Variants in PDE4DIP observed in about 807,000 individuals in gnomAD.
PDE4DIP encodes the protein myomegalin.
Under a neutral mutation model 221.4 loss-of-function variants are expected in PDE4DIP, and 59 were observed. That is an observed-to-expected ratio of 0.27 (90% CI 0.22 to 0.33). The LOEUF (loss-of-function observed/expected upper bound fraction) is 0.33. Ranked by LOEUF, PDE4DIP falls within the 10% of genes least tolerant of loss-of-function variation. The pLI is 1.00. For missense variants in PDE4DIP, 1,036 were observed against 2,154.2 expected (o/e 0.48, Z 10.28); for synonymous variants, 404 against 815.9 (o/e 0.50, Z 8.60).
At chr1:148,951,727 C>T (rs1181603447) in intron 5 of PDE4DIP, among the ~76,000 whole-genome samples, 2 of 152,310 alleles carry the variant, frequency 1.3e-5, no homozygotes, top group East Asian at 1.9e-4. Context: ...TTGTATGTGC[C>T]GGACTCTTTC....
intron 16 of PDE4DIP, among the ~76,000 whole-genome samples, chr1:148,972,869 TC>T (rs1553532088): frequency 7.1e-6 from 1 of 140,820 alleles, no homozygotes; most frequent in Non-Finnish European, 1.5e-5. Context: ...AGGTAATTGT[TC>T]CAATCCTGCA....
At chr1:148,936,910 G>A (rs1553475282) in intron 4 of PDE4DIP, among the ~76,000 whole-genome samples, 2 of 152,052 alleles carry the variant, frequency 1.3e-5, no homozygotes, top group African/African-American at 4.8e-5. Flanking sequence ...TTCTGGAATA[G>A]CTCCTGAGGG....
chr1:149,020,973 T>A lies in PDE4DIP; in HGVS notation c.5961-56T>A, dbSNP rs1200144729. On this transcript the variant is annotated intron_variant, in intron 36 of 43. Transcript: ENST00000369354. Reference sequence around the variant, plus strand: ...TGACATCTGGCTCTCAGCCTGTTGCTCTGGTGTGGCTGAGTAGCTCTGCCA... The same window carrying A: ...TGACATCTGGCTCTCAGCCTGTTGCACTGGTGTGGCTGAGTAGCTCTGCCA... 16 of 1,173,748 alleles carry A rather than the reference T, an allele frequency of 1.4e-5. 2 individuals are homozygous for A. The highest frequency in any genetic ancestry group is 1.8e-5 in the Non-Finnish European group (15 of 832,066). 72.7% of individuals were successfully genotyped at this position (1,173,748 alleles called of 1,614,324 possible).
chr1:149,031,916 A>G (rs781949031), intron 43 of PDE4DIP, 28 bp from the exon 47 acceptor site: 16 of 1,593,754 alleles, frequency 1.0e-5, no homozygotes, highest in Non-Finnish European at 1.4e-5. Context: ...ATATACACTG[A>G]TTTGGTTTGT....
chr1:148,936,983 G>A (rs1431559706), intron 4 of PDE4DIP, among the ~76,000 whole-genome samples: 81 of 152,262 alleles, frequency 5.3e-4, no homozygotes, highest in Admixed American at 2.3e-3. Context: ...ACTCTAAAAC[G>A]ACAATGAAAG....
intron 37 of PDE4DIP, among the ~76,000 whole-genome samples, chr1:149,023,597 CATGTATATGTGTGCACATATAT>C (rs2073859672): frequency 7.0e-6 from 1 of 143,680 alleles, no homozygotes; most frequent in Admixed American, 6.9e-5. Flanking sequence ...CATATATGTA[CATGTATATGTGTGCACATATAT>C]ATGTACATGT....
At chr1:148,984,720 T>G (rs2061622609) in intron 21 of PDE4DIP, 1 of 152,110 alleles carries the variant, frequency 6.6e-6, no homozygotes, top group Non-Finnish European at 1.5e-5. Flanking sequence ...AAATTGTCCT[T>G]TTCATTGAGA....
intron 1 of PDE4DIP, among the ~76,000 whole-genome samples, chr1:148,915,338 C>T (rs2798897): frequency 2.6e-5 from 4 of 152,276 alleles, no homozygotes; most frequent in South Asian, 2.1e-4. Context: ...TTAGTAGAGA[C>T]GGGGTTTCAC....
intron 9 of PDE4DIP, among the ~76,000 whole-genome samples, chr1:148,964,299 G>A (rs1169307213): frequency 2.0e-5 from 3 of 151,614 alleles, no homozygotes; most frequent in African/African-American, 7.3e-5. Context: ...GTAGAGACAG[G>A]GTTTCTCCAT....
chr1:148,857,206 A>G (rs1235977417), intron 1 of PDE4DIP, among the ~76,000 whole-genome samples: 1 of 78,094 alleles, frequency 1.3e-5, no homozygotes, highest in East Asian at 9.7e-4. Flanking sequence ...AAAAATAAGA[A>G]TTAGCCTTTT....
At chr1:148,975,724 T>C (rs1229749801) in intron 17 of PDE4DIP, among the ~76,000 whole-genome samples, 2 of 152,156 alleles carry the variant, frequency 1.3e-5, no homozygotes, top group Admixed American at 1.3e-4. Flanking sequence ...AGCTCAGAGT[T>C]ACAGACTGAA....
rs1388498487 is a variant in PDE4DIP at position 148,983,619 on chromosome 1, A to G, written c.2815+2222A>G. On this transcript the variant is annotated intron_variant, in intron 21 of 43. Coordinates refer to ENST00000369354, the Ensembl canonical transcript of PDE4DIP. ...AAATTTTATAATCCACACAGAGATC[A>G]TGCTGTGGTTGGACACATCATTTAA... The G allele has an allele frequency of 2.6e-4, 40 of 152,536 alleles. 1 individual carries two copies. Among genetic ancestry groups the G allele is most frequent in the Non-Finnish European group, 8.8e-5 (6 of 67,980 alleles). The allele number at this position is 152,536 out of a possible 1,614,324, so 9.4% of individuals were successfully genotyped here.
At chr1:148,968,807 A>G (rs1553521217) in intron 13 of PDE4DIP, 29 bp from the exon 17 acceptor site, 2 of 1,486,562 alleles carry the variant, frequency 1.3e-6, no homozygotes. Flanking sequence ...TCTTTCCTCC[A>G]GAAGCTTACA....
At chr1:149,010,444 T>C (rs782001028) in exon 31 of PDE4DIP, 6 of 1,613,112 alleles carry the variant, frequency 3.7e-6, no homozygotes, top group Non-Finnish European at 4.2e-6. Context: ...ATTTTATAGA[T>C]TCCATCCATC....
At chr1:148,998,451 C>G in intron 23 of PDE4DIP, 76 bp downstream of exon 26, 1 of 648,456 alleles carries the variant, frequency 1.5e-6, no homozygotes, top group Non-Finnish European at 2.8e-6. Flanking sequence ...ATCCCAGGCT[C>G]CATGCATTAA....
At chr1:148,935,297 A>G (rs1389354900) in intron 4 of PDE4DIP, among the ~76,000 whole-genome samples, 2 of 149,356 alleles carry the variant, frequency 1.3e-5, no homozygotes, top group African/African-American at 4.9e-5. Context: ...GTTCCAATAT[A>G]TACAAACAGA....
chr1:148,967,570 A>G (rs2058419744), intron 12 of PDE4DIP, among the ~76,000 whole-genome samples, 156 bp from the exon 16 acceptor site: 1 of 152,288 alleles, frequency 6.6e-6, no homozygotes. Context: ...AAAACCAAAA[A>G]AATAGATTAG....
exon 42 of PDE4DIP, chr1:149,029,845 G>C: frequency 6.2e-7 from 1 of 1,609,104 alleles, no homozygotes; most frequent in Non-Finnish European, 8.5e-7. Context: ...AAACAGGAGC[G>C]ACTCCTTCAG....
At chr1:148,975,209 T>C (rs1375908769) in intron 17 of PDE4DIP, among the ~76,000 whole-genome samples, 1 of 147,868 alleles carries the variant, frequency 6.8e-6, no homozygotes, top group Non-Finnish European at 1.5e-5. Context: ...TGTAAAGCAC[T>C]GGTGAAAAAA....
Sources: gnomAD v4.1 joint callset for allele counts (sites outside exome capture counted in the v4.1 genomes callset) on GRCh38, gnomAD v4.1.1 for gene constraint, MANE v1.5 for transcripts, NCBI Gene and HGNC (gene_info 2026-07-23, HGNC 2026-07-21) for gene names.